ANO6: variants seen among roughly 807,000 people sequenced by gnomAD.
ANO6 encodes anoctamin 6.
In ANO6, 106 loss-of-function variants were observed where a neutral mutation model predicts 117.5. The ratio of observed to expected loss-of-function variants is 0.90; its 90% CI spans 0.77 to 1.06. The LOEUF (loss-of-function observed/expected upper bound fraction) is 1.06, where lower values mean the gene tolerates loss of function less well. ANO6 is among the 50% of genes least tolerant of loss of function. The probability of loss-of-function intolerance (pLI) is 0.00; values close to 1 mark genes in which losing one functional copy is unlikely to be tolerated. For synonymous variants in ANO6, 367 were observed against 385.1 expected, an observed-to-expected ratio of 0.95 and a Z score of 0.55; for missense variants, 955 against 1,121.1, an observed-to-expected ratio of 0.85 and a Z score of 2.12.
intron 8 of ANO6, among the ~76,000 whole-genome samples, chr12:45,362,931 T>C (rs1159540720): frequency 6.6e-6 from 1 of 152,120 alleles, no homozygotes; most frequent in Non-Finnish European, 1.5e-5. Context: ...TAGAAGAAAA[T>C]AGAGACATAC....
intron 3 of ANO6, among the ~76,000 whole-genome samples, chr12:45,340,456 G>C (rs1940949477): frequency 6.6e-6 from 1 of 152,104 alleles, no homozygotes; most frequent in South Asian, 2.1e-4. Flanking sequence ...AAATGAATTT[G>C]CTCCCATAGA....
intron 10 of ANO6, chr12:45,383,130 G>A (rs530279045): frequency 6.0e-5 from 13 of 216,186 alleles, no homozygotes; most frequent in East Asian, 5.4e-4. Flanking sequence ...CTTTGTTGTC[G>A]TTTCAGTAAT....
At chr12:45,221,043 T>C (rs1947388289) in intron 1 of ANO6, among the ~76,000 whole-genome samples, 1 of 149,442 alleles carries the variant, frequency 6.7e-6, no homozygotes, top group African/African-American at 2.5e-5. Context: ...CTGGGGCCTG[T>C]GATTGGTGTC....
At chr12:45,317,827 G>A (rs905956887) in intron 2 of ANO6, among the ~76,000 whole-genome samples, 9 of 152,208 alleles carry the variant, frequency 5.9e-5, no homozygotes, top group African/African-American at 2.2e-4. Context: ...ACTGGTGTGA[G>A]ATGATACCTC....
At chr12:45,410,494 C>T (rs1242574852) in intron 16 of ANO6, among the ~76,000 whole-genome samples, 2 of 152,168 alleles carry the variant, frequency 1.3e-5, no homozygotes, top group Admixed American at 1.3e-4. Context: ...TGCCTTTAAA[C>T]GGAAGCATCT....
chr12:45,270,486 C>G (rs1222531154), intron 1 of ANO6: 1 of 1,458,046 alleles, frequency 6.9e-7, no homozygotes, highest in Admixed American at 2.0e-5. Context: ...TCCAGGAGGC[C>G]TTTTCTGACT....
intron 1 of ANO6, among the ~76,000 whole-genome samples, chr12:45,263,618 A>T (rs1313963769): frequency 6.6e-6 from 1 of 152,076 alleles, no homozygotes; most frequent in East Asian, 1.9e-4. Context: ...AACCTCTCCT[A>T]ACTTTTTATA....
intron 1 of ANO6, among the ~76,000 whole-genome samples, chr12:45,233,386 T>G (rs1947602490): frequency 1.3e-5 from 2 of 152,242 alleles, no homozygotes. Context: ...TTGCAAATTC[T>G]GTTATCACTT....
intron 9 of ANO6, among the ~76,000 whole-genome samples, chr12:45,371,730 T>C (rs1267889991): frequency 6.6e-5 from 10 of 151,862 alleles, no homozygotes; most frequent in African/African-American, 9.7e-5. Flanking sequence ...TCATCAAAGA[T>C]CAAAAGTAGA....
chr12:45,358,976 G>A (rs988335278), intron 8 of ANO6, among the ~76,000 whole-genome samples: 1 of 152,058 alleles, frequency 6.6e-6, no homozygotes, highest in East Asian at 1.9e-4. Flanking sequence ...TAGAGATGGG[G>A]TTTCACCATC....
At chr12:45,268,272 G>C (rs1336717127) in intron 1 of ANO6, among the ~76,000 whole-genome samples, 1 of 152,188 alleles carries the variant, frequency 6.6e-6, no homozygotes, top group Non-Finnish European at 1.5e-5. Flanking sequence ...TGTAATCCCA[G>C]CACTTTGGGA....
At chr12:45,439,070 G>T (rs1425222481) in intron 19 of ANO6, among the ~76,000 whole-genome samples, 1 of 152,196 alleles carries the variant, frequency 6.6e-6, no homozygotes, top group Non-Finnish European at 1.5e-5. Context: ...ACCAAATCAA[G>T]ATGAGTAAAG....
intron 3 of ANO6, among the ~76,000 whole-genome samples, chr12:45,335,971 A>G (rs1305592024): frequency 6.6e-6 from 1 of 151,886 alleles, no homozygotes. Context: ...TCTTTGCCAT[A>G]TTTATACTTT....
At chr12:45,354,497 G>A (rs1226016297) in intron 7 of ANO6, among the ~76,000 whole-genome samples, 2 of 152,116 alleles carry the variant, frequency 1.3e-5, no homozygotes, top group East Asian at 1.9e-4. Flanking sequence ...GCCAGCACAA[G>A]AGAGAGGGAC....
chr12:45,283,143 T>G (rs1165278066), intron 1 of ANO6, among the ~76,000 whole-genome samples: 2 of 152,234 alleles, frequency 1.3e-5, no homozygotes, highest in Non-Finnish European at 1.5e-5. Flanking sequence ...CATATTTATA[T>G]TTTTCCAAAT....
intron 15 of ANO6, among the ~76,000 whole-genome samples, chr12:45,407,691 C>A (rs1942977920): frequency 6.6e-6 from 1 of 152,126 alleles, no homozygotes; most frequent in African/African-American, 2.4e-5. Context: ...TTGGCCTCAG[C>A]CAGTGCAGCC....
chr12:45,385,618 A>G (rs971338691), intron 10 of ANO6, among the ~76,000 whole-genome samples: 2 of 152,116 alleles, frequency 1.3e-5, no homozygotes, highest in African/African-American at 4.8e-5. Context: ...CTGGGCACCA[A>G]GACCAGCCAG....
At chr12:45,335,730 A>G (rs1592981999) in intron 3 of ANO6, 1 of 152,050 alleles carries the variant, frequency 6.6e-6, no homozygotes, top group African/African-American at 2.4e-5. Flanking sequence ...TGTAGTGTCC[A>G]TGCAGATCTT....
chr12:45,300,114 A>G (rs1399748743), intron 1 of ANO6, among the ~76,000 whole-genome samples: 1 of 152,186 alleles, frequency 6.6e-6, no homozygotes, highest in Non-Finnish European at 1.5e-5. Flanking sequence ...TTAAGGGAAA[A>G]CATAGTATGC....
Sources: allele counts gnomAD v4.1 joint callset (sites outside exome capture counted in the v4.1 genomes callset), GRCh38; gene constraint gnomAD v4.1.1; transcripts MANE v1.5; gene names NCBI Gene and HGNC (gene_info 2026-07-23, HGNC 2026-07-21).